Variants in CCDC192 observed in about 807,000 individuals in gnomAD.
The protein encoded by CCDC192 is coiled-coil domain-containing protein 192.
At chr5:127,844,017 T>G (rs1278493619) in intron 5 of CCDC192, among the ~76,000 whole-genome samples, 1 of 152,242 alleles carries the variant, frequency 6.6e-6, no homozygotes. Flanking sequence ...TTTTATAGAT[T>G]TTAATTTGTG....
At chr5:127,736,866 C>G (rs1580559857) in intron 2 of CCDC192, among the ~76,000 whole-genome samples, 1 of 145,640 alleles carries the variant, frequency 6.9e-6, no homozygotes, top group Admixed American at 7.0e-5. Flanking sequence ...TTTGTTGATC[C>G]TTTCAAAAAA....
chr5:127,858,937 T>TA (rs11313451), intron 5 of CCDC192, among the ~76,000 whole-genome samples: 2 of 151,738 alleles, frequency 1.3e-5, no homozygotes, highest in East Asian at 1.9e-4. Flanking sequence ...TGTGTGCTTA[T>TA]AAAAAAAAAC....
intron 3 of CCDC192, among the ~76,000 whole-genome samples, chr5:127,780,316 G>C (rs1417547486): frequency 6.6e-6 from 1 of 151,986 alleles, no homozygotes; most frequent in African/African-American, 2.4e-5. Flanking sequence ...ATTTTCCTCT[G>C]GGTAAATATC....
intron 3 of CCDC192, among the ~76,000 whole-genome samples, chr5:127,771,380 A>G (rs1049224349): frequency 6.6e-6 from 1 of 152,270 alleles, no homozygotes; most frequent in Non-Finnish European, 1.5e-5. Context: ...AAAGAGTTCA[A>G]TTACAAAAAA....
intron 5 of CCDC192, among the ~76,000 whole-genome samples, chr5:127,834,755 C>T (rs905505928): frequency 2.0e-5 from 3 of 152,046 alleles, no homozygotes; most frequent in Admixed American, 6.6e-5. Context: ...AACTCTCTAG[C>T]GAATAGTAAA....
At chr5:127,923,183 A>G (rs1041957513) in intron 6 of CCDC192, among the ~76,000 whole-genome samples, 7 of 152,236 alleles carry the variant, frequency 4.6e-5, no homozygotes, top group African/African-American at 1.7e-4. Flanking sequence ...GAACAAAAAC[A>G]GTAGTAAATG....
chr5:127,824,600 G>A (rs1043330675), intron 5 of CCDC192, among the ~76,000 whole-genome samples: 1 of 152,186 alleles, frequency 6.6e-6, no homozygotes, highest in Non-Finnish European at 1.5e-5. Flanking sequence ...CCCAAGGATA[G>A]AGATACAGCT....
intron 6 of CCDC192, among the ~76,000 whole-genome samples, chr5:127,933,920 T>C (rs574045264): frequency 1.1e-3 from 165 of 152,324 alleles, no homozygotes; most frequent in African/African-American, 3.8e-3. Flanking sequence ...ACTTTGATCG[T>C]CAACTTCCCA....
chr5:127,830,019 A>G (rs1293152696), intron 5 of CCDC192, among the ~76,000 whole-genome samples: 2 of 152,188 alleles, frequency 1.3e-5, no homozygotes, highest in African/African-American at 4.8e-5. Flanking sequence ...TACCTACTTT[A>G]TATTCATTCT....
chr5:127,890,888 C>T (rs1323348911), intron 6 of CCDC192, among the ~76,000 whole-genome samples: 1 of 152,228 alleles, frequency 6.6e-6, no homozygotes, highest in African/African-American at 2.4e-5. Context: ...TGGTTGGTTT[C>T]ACTTTGTTTG....
intron 1 of CCDC192, 66 bp from the exon 2 acceptor site, chr5:127,707,643 G>T (rs10054855): frequency 0.021 from 8,470 of 396,484 alleles, 131 homozygotes; most frequent in Non-Finnish European, 0.03. Flanking sequence ...TATGTGCGGG[G>T]GTGTGTGTGC....
intron 6 of CCDC192, among the ~76,000 whole-genome samples, chr5:127,909,691 A>G (rs1753293261): frequency 6.6e-6 from 1 of 152,114 alleles, no homozygotes; most frequent in Non-Finnish European, 1.5e-5. Context: ...ACTTCCTAAT[A>G]GCATTACTTT....
chr5:127,881,707 T>A (rs1227675630), intron 6 of CCDC192, among the ~76,000 whole-genome samples: 1 of 152,240 alleles, frequency 6.6e-6, no homozygotes, highest in Non-Finnish European at 1.5e-5. Flanking sequence ...AGCCCCTTTA[T>A]TACAAAACTG....
chr5:127,763,739 C>A (rs1236157877), intron 3 of CCDC192, among the ~76,000 whole-genome samples: 1 of 152,130 alleles, frequency 6.6e-6, no homozygotes, highest in Non-Finnish European at 1.5e-5. Context: ...TCTCACCTTT[C>A]TAATCTAGAA....
intron 5 of CCDC192, among the ~76,000 whole-genome samples, chr5:127,850,507 C>T (rs1247911140): frequency 6.6e-6 from 1 of 152,108 alleles, no homozygotes. Context: ...TATAGGTCTT[C>T]AAGGAAAGCA....
At chr5:127,709,415 C>A (rs1404271182) in intron 2 of CCDC192, among the ~76,000 whole-genome samples, 1 of 152,148 alleles carries the variant, frequency 6.6e-6, no homozygotes, top group Non-Finnish European at 1.5e-5. Context: ...AATTATAATT[C>A]AACATGAGAT....
chr5:127,797,495 A>G (rs1484520410), intron 4 of CCDC192, among the ~76,000 whole-genome samples: 1 of 151,882 alleles, frequency 6.6e-6, no homozygotes, highest in African/African-American at 2.4e-5. Flanking sequence ...TATTTATTTT[A>G]TAAATGGTAT....
chr5:127,843,269 A>T (rs1442892380), intron 5 of CCDC192, among the ~76,000 whole-genome samples: 1 of 150,658 alleles, frequency 6.6e-6, no homozygotes, highest in African/African-American at 2.4e-5. Context: ...CGATCTCCTG[A>T]CCTCGTAATC....
At chr5:127,935,247 C>T (rs1025277514) in intron 6 of CCDC192, 4 of 152,058 alleles carry the variant, frequency 2.6e-5, no homozygotes, top group Non-Finnish European at 4.4e-5. Flanking sequence ...TGTGCAGGTT[C>T]CCAAACATAA....
Sources: allele counts gnomAD v4.1 joint callset (sites outside exome capture counted in the v4.1 genomes callset), GRCh38; gene constraint gnomAD v4.1.1; transcripts MANE v1.5; gene names NCBI Gene and HGNC (gene_info 2026-07-23, HGNC 2026-07-21).